The following B4GALNT3 variants were observed in gnomAD, a reference collection of about 807,000 sequenced individuals.
B4GALNT3 encodes beta-1,4-N-acetyl-galactosaminyltransferase 3.
Under a neutral mutation model 120.2 loss-of-function variants are expected in B4GALNT3, and 86 were observed. That is an observed-to-expected ratio of 0.72 (90% CI 0.60 to 0.86). The LOEUF is 0.86. Among genes scored for constraint, B4GALNT3 ranks in the 40% least tolerant of loss-of-function variants. The pLI, the probability that B4GALNT3 is intolerant of heterozygous loss-of-function variation, is 0.00. For synonymous variants in B4GALNT3, 518 were observed against 510.4 expected, an observed-to-expected ratio of 1.01 and a Z score of -0.20; for missense variants, 1,167 against 1,298.9, an observed-to-expected ratio of 0.90 and a Z score of 1.56.
rs986506414 is a variant in B4GALNT3 at position 523,888 on chromosome 12, C to T, written c.170-11278C>T. Among the ~76,000 whole-genome samples the T allele has an allele frequency of 2.0e-5, 3 of 152,000 alleles. No individual in the cohort carries two copies. The East Asian group carries it at 5.8e-4, about 29-fold the overall frequency. On this transcript the variant is annotated intron_variant, in intron 1 of 19. Coordinates refer to ENST00000266383, the MANE Select transcript of B4GALNT3 (RefSeq NM_173593.4). ...CCAGCCTGGCCAAATAGTGAAACCCCGTCTCTACTAAAAACACAAAAAATT... is the reference window on the plus strand; with the variant it reads ...CCAGCCTGGCCAAATAGTGAAACCCTGTCTCTACTAAAAACACAAAAAATT...
In B4GALNT3 at chr12:558,490, G is replaced by T; in HGVS notation, c.2608-18G>T. On this transcript the variant is annotated intron_variant, in intron 17 of 19. Transcript: ENST00000266383. ...CTGGTCTGCAGGGTCTGCTGACCCT[G>T]CCCACATCTGTCCCCAGGACCCGCA... The T allele has an allele frequency of 6.2e-7, 1 of 1,612,778 alleles. No homozygotes were observed. Among genetic ancestry groups the T allele is most frequent in the East Asian group, 2.2e-5 (1 of 44,850 alleles).
chr12:543,174 A>T (rs1208589646), intron 3 of B4GALNT3: 2 of 1,289,560 alleles, frequency 1.6e-6, no homozygotes, highest in Admixed American at 4.6e-5. Flanking sequence ...CTTGTCCCCA[A>T]GGCCAGGCCA....
chr12:563,162 G>A lies in B4GALNT3; in HGVS notation c.*1711G>A, dbSNP rs756891201. The A allele has an allele frequency of 6.6e-6, 1 of 152,500 alleles. No individual in the cohort carries two copies. Among genetic ancestry groups the A allele is most frequent in the Non-Finnish European group, 1.5e-5 (1 of 68,266 alleles). The allele number at this position is 152,500 out of a possible 1,614,324, so 9.4% of individuals were successfully genotyped here. A position where few individuals can be genotyped will look rare whatever the true frequency, so the allele number is the denominator to read the frequency against. Reference sequence around the variant, plus strand: ...TCCCTGCTGAGGCCGACTGGCCCCTGGAGAAGGATGGTGGGGCATAGGCTA... The same window carrying A: ...TCCCTGCTGAGGCCGACTGGCCCCTAGAGAAGGATGGTGGGGCATAGGCTA... On this transcript the variant is annotated 3_prime_UTR_variant, in exon 20 of 20. Coordinates refer to ENST00000266383, the MANE Select transcript of B4GALNT3 (RefSeq NM_173593.4).
At chr12:535,082 C>T in intron 1 of B4GALNT3, 84 bp from the exon 2 acceptor site, 1 of 1,146,890 alleles carries the variant, frequency 8.7e-7, no homozygotes, top group Non-Finnish European at 1.3e-6. Flanking sequence ...AAGACGGTTC[C>T]CTCCATTAAC....
At position 553,629 on chromosome 12, in the gene B4GALNT3, T is replaced by G. The variant is rs1308672228; in HGVS notation, c.1706T>G (p.Ile569Ser). Residue 569 changes from isoleucine to serine, a missense_variant, in exon 14 of 20, where the codon ATC becomes AGC. By Grantham distance (142) the Ile-to-Ser change is moderately radical. Coordinates refer to ENST00000266383, the MANE Select transcript of B4GALNT3 (RefSeq NM_173593.4). ...TGGCTGAACCAGGTGGAGTCGTACA[T>G]CGCAGAGCAGAGACGGGGTGACAGG... ...TQWLNQVESYIAEQRRGDRMR... is the reference protein window; with the variant it reads ...TQWLNQVESYSAEQRRGDRMR... 1 of 1,613,762 alleles carries G rather than the reference T, an allele frequency of 6.2e-7. No individual in the cohort carries two copies. The highest frequency in any genetic ancestry group is 8.5e-7 in the Non-Finnish European group (1 of 1,179,898).
intron 19 of B4GALNT3, 116 bp from the exon 20 acceptor site, chr12:561,227 T>G: frequency 2.7e-6 from 2 of 734,884 alleles, no homozygotes; most frequent in Admixed American, 2.3e-5. Flanking sequence ...AGCCGTCCAC[T>G]GCACCTGCCT....
intron 1 of B4GALNT3, among the ~76,000 whole-genome samples, chr12:521,907 G>C (rs899554460): frequency 6.6e-6 from 1 of 152,100 alleles, no homozygotes; most frequent in Non-Finnish European, 1.5e-5. Flanking sequence ...TTCCACACAG[G>C]CTAGTGGACT....
At position 561,380 on chromosome 12, in the gene B4GALNT3, C is replaced by G; in HGVS notation, c.2926C>G (p.Leu976Val). The G allele has an allele frequency of 6.2e-7, 1 of 1,614,096 alleles. No individual in the cohort carries two copies. The highest frequency in any genetic ancestry group is 2.2e-5 in the East Asian group (1 of 44,894). ...GGGCCTGGACGTGGAGCGTCTCTCCCTCAGGAATTTCTTCCATCATTTCCA... is the reference window on the plus strand; with the variant it reads ...GGGCCTGGACGTGGAGCGTCTCTCCGTCAGGAATTTCTTCCATCATTTCCA... Reference protein sequence around the residue: ...QAGLDVERLSLRNFFHHFHSK... With the variant: ...QAGLDVERLSVRNFFHHFHSK... The change falls in exon 20 of 20, where the codon CTC (leucine) becomes GTC (valine). Residue 976 changes from leucine (L) to valine (V), a missense_variant. Leu to Val is a conservative substitution (Grantham distance 32). Transcript: ENST00000266383.
At chr12:516,301 T>G (rs1946655521) in intron 1 of B4GALNT3, among the ~76,000 whole-genome samples, 3 of 152,124 alleles carry the variant, frequency 2.0e-5, no homozygotes, top group Admixed American at 2.0e-4. Flanking sequence ...AGTGATAGGC[T>G]GGAGGTAGCG....
Position 545,379 on chromosome 12 carries a change from G to A in B4GALNT3, c.549G>A (p.Gln183=). ...CTCCCCGCTGCCCAGGGAAAATCCA[G>A]TTTGCCATTGCTGCAGATGACAACG... is the stretch of plus-strand genomic sequence containing the variant. ...YLHPFTDGKI[Q]FAIAADDNAE... Residue 183 remains glutamine, a synonymous_variant, in exon 6 of 20, where the codon CAG becomes CAA. Transcript: ENST00000266383. The A allele has an allele frequency of 6.2e-7, 1 of 1,611,260 alleles. No individual in the cohort carries two copies. The highest frequency in any genetic ancestry group is 8.5e-7 in the Non-Finnish European group (1 of 1,179,262).
At chr12:545,539 G>A in intron 6 of B4GALNT3, 70 bp downstream of exon 6, 3 of 1,412,110 alleles carry the variant, frequency 2.1e-6, no homozygotes, top group Non-Finnish European at 2.9e-6. Context: ...TCCAGCAGCT[G>A]CTCATTACTG....
intron 4 of B4GALNT3, 45 bp from the exon 5 acceptor site, chr12:544,837 T>C: frequency 6.3e-6 from 10 of 1,594,610 alleles, no homozygotes; most frequent in Non-Finnish European, 8.6e-6. Flanking sequence ...GAAGTTTCCT[T>C]TTCCCTCTTC....
At chr12:494,751 A>G (rs950069902) in intron 1 of B4GALNT3, among the ~76,000 whole-genome samples, 3 of 151,762 alleles carry the variant, frequency 2.0e-5, no homozygotes, top group Non-Finnish European at 1.5e-5. Flanking sequence ...CAAAAACTGG[A>G]GCACCAGGCT....
At position 553,257 on chromosome 12, in the gene B4GALNT3, CCAA is replaced by C. The variant is rs757208901; in HGVS notation, c.1339_1341del (p.Asn447del). ...GAAGTGGCAGAGGAGACCCCTGCCT[CCAA>C]CAACCAGAATGCCAGGATGCTTGAG... On this transcript the variant is annotated inframe_deletion, in exon 14 of 20. Transcript: ENST00000266383. The C allele has an allele frequency of 2.4e-5, 38 of 1,613,438 alleles. No individual in the cohort carries two copies. In the Middle Eastern group the frequency reaches 4.9e-4, roughly 21 times the overall value.
Position 561,757 on chromosome 12 carries a change from C to T in B4GALNT3, c.*306C>T, listed in dbSNP as rs113330493. 3.3e-6 allele frequency: 1 copy of T among 302,070 alleles called. No homozygotes were observed. Among genetic ancestry groups the T allele is most frequent in the Admixed American group, 4.9e-5 (1 of 20,242 alleles). 18.7% of individuals were successfully genotyped at this position (302,070 alleles called of 1,614,324 possible). On this transcript the variant is annotated 3_prime_UTR_variant, in exon 20 of 20. Coordinates refer to ENST00000266383, the MANE Select transcript of B4GALNT3 (RefSeq NM_173593.4). ...AGGAAGGAGAGATCTGACTGAGCGA[C>T]ACCATCCTCATCCATGAAGGTGCAC...
intron 1 of B4GALNT3, among the ~76,000 whole-genome samples, chr12:480,459 G>GGTTCTTGAGGTCCCTCTA: frequency 6.7e-6 from 1 of 149,556 alleles, no homozygotes; most frequent in Admixed American, 6.6e-5. Context: ...CTCTGACCCT[G>GGTTCTTGAGGTCCCTCTA]ACATTACGGA....
At chr12:539,465 A>G (rs1946893428) in intron 3 of B4GALNT3, among the ~76,000 whole-genome samples, 1 of 151,614 alleles carries the variant, frequency 6.6e-6, no homozygotes, top group Non-Finnish European at 1.5e-5. Context: ...ACAGGCTTTG[A>G]GAAGGCAGTG....
intron 1 of B4GALNT3, among the ~76,000 whole-genome samples, chr12:520,567 T>TCGACCA (rs1167931296): frequency 6.9e-6 from 1 of 145,642 alleles, no homozygotes; most frequent in Non-Finnish European, 1.5e-5. Flanking sequence ...AGTAGTTTAA[T>TCGACCA]TGGCCATCAT....
chr12:556,519 C>T (rs1292697936), intron 14 of B4GALNT3, 28 bp from the exon 15 acceptor site: 1 of 1,591,920 alleles, frequency 6.3e-7, no homozygotes, highest in Non-Finnish European at 8.6e-7. Flanking sequence ...AAAGGAACCA[C>T]TCAGCCTCCC....
Sources: gnomAD v4.1 joint callset for allele counts (sites outside exome capture counted in the v4.1 genomes callset) on GRCh38, gnomAD v4.1.1 for gene constraint, MANE v1.5 for transcripts, NCBI Gene and HGNC (gene_info 2026-07-23, HGNC 2026-07-21) for gene names.